Variants in CSF3R observed in about 807,000 individuals in gnomAD.
CSF3R encodes colony stimulating factor 3 receptor.
A neutral mutation model predicts 84.4 loss-of-function variants in CSF3R; 52 were observed. That is an observed-to-expected ratio of 0.62 (90% confidence interval 0.49 to 0.78). The LOEUF (loss-of-function observed/expected upper bound fraction) is 0.78, where lower values mean the gene tolerates loss of function less well. Among genes scored for constraint, CSF3R ranks in the 30% least tolerant of loss-of-function variants. The pLI is 0.00. For synonymous variants in CSF3R, 384 were observed against 429.1 expected, an observed-to-expected ratio of 0.89 and a Z score of 1.30; for missense variants, 890 against 1,055.7, an observed-to-expected ratio of 0.84 and a Z score of 2.17.
At position 36,472,777 on chromosome 1, in the gene CSF3R, C is replaced by T; in HGVS notation, c.674-91G>A. On this transcript the variant is annotated intron_variant, in intron 6 of 16. Coordinates refer to ENST00000373106, the MANE Select transcript of CSF3R (RefSeq NM_000760.4). This position sits in a 1 kb window ranked among gnomAD's most constrained non-coding sequence, Gnocchi z 5.0. ...TCTTGTCTCCCTGTCTGTGGTTCACCATCTGTCCACGTTGCCAATGACACG... is the reference window on the plus strand; with the variant it reads ...TCTTGTCTCCCTGTCTGTGGTTCACTATCTGTCCACGTTGCCAATGACACG... The T allele has an allele frequency of 1.4e-6, 2 of 1,398,172 alleles. No individual in the cohort carries two copies. Among genetic ancestry groups the T allele is most frequent in the South Asian group, 3.0e-5 (2 of 67,220 alleles). 86.6% of individuals were successfully genotyped at this position (1,398,172 alleles called of 1,614,324 possible).
chr1:36,475,274 TG>T, intron 4 of CSF3R, 102 bp downstream of exon 4: 2 of 1,439,848 alleles, frequency 1.4e-6, no homozygotes, highest in Non-Finnish European at 2.0e-6. Context: ...CCCAAAGTGC[TG>T]GGAATACAGG....
In CSF3R at chr1:36,475,592, T is replaced by C. The variant is rs766274573; in HGVS notation, c.146A>G (p.Lys49Arg). ...CGGGTCCAGATGGCTGCAGTTCTGCTTGATGATGCAGGAGGCTGTGATGGG... is the reference window on the plus strand; with the variant it reads ...CGGGTCCAGATGGCTGCAGTTCTGCCTGATGATGCAGGAGGCTGTGATGGG... ...GDPITASCII[K>R]QNCSHLDPEP... The change falls in exon 4 of 17, where the codon AAG (lysine) becomes AGG (arginine). Residue 49 changes from lysine (K) to arginine (R), a missense_variant. Physicochemically the swap from Lys to Arg is conservative, Grantham distance 26 (BLOSUM62 2). Coordinates refer to ENST00000373106, the MANE Select transcript of CSF3R (RefSeq NM_000760.4). The C allele has an allele frequency of 1.5e-5, 24 of 1,611,788 alleles. No individual in the cohort carries two copies. The South Asian group carries it at 2.4e-4, about 16-fold the overall frequency.
intron 4 of CSF3R, among the ~76,000 whole-genome samples, chr1:36,474,797 G>A (rs1386621195): frequency 6.6e-6 from 1 of 152,110 alleles, no homozygotes; most frequent in Non-Finnish European, 1.5e-5. Flanking sequence ...GCTATGTAGA[G>A]TAGTGGTCAC....
Position 36,466,780 on chromosome 1 carries a change from G to A in CSF3R, c.2088C>T (p.Leu696=), listed in dbSNP as rs1305493202. 1.2e-6 allele frequency: 2 copies of A among 1,614,200 alleles called. No individual in the cohort carries two copies. The highest frequency in any genetic ancestry group is 1.7e-6 in the Non-Finnish European group (2 of 1,180,024). ...TCTTTTCATCCTCCTCCAGCACTGTGAGCTTGGTGATGGGTGGCGTGCCAA... is the reference window on the plus strand; with the variant it reads ...TCTTTTCATCCTCCTCCAGCACTGTAAGCTTGGTGATGGGTGGCGTGCCAA... ...PGLGTPPITK[L]TVLEEDEKKP... is the part of the protein sequence containing the mutation. The change falls in exon 17 of 17, where the codon CTC becomes CTT. Residue 696 remains leucine, a synonymous_variant. Transcript: ENST00000373106. This position sits in a 1 kb window ranked among gnomAD's most constrained non-coding sequence, Gnocchi z 4.6.
chr1:36,478,197 A>G (rs1371686315), intron 3 of CSF3R, among the ~76,000 whole-genome samples: 6 of 152,166 alleles, frequency 3.9e-5, no homozygotes, highest in African/African-American at 1.2e-4. Flanking sequence ...CTTACATTTT[A>G]AAAGAGTTAA....
At chr1:36,473,918 T>C (rs776646759) in intron 4 of CSF3R, 31 bp from the exon 5 acceptor site, 1 of 1,613,418 alleles carries the variant, frequency 6.2e-7, no homozygotes, top group Non-Finnish European at 8.5e-7. Flanking sequence ...TGTGAGGGCT[T>C]TGGGTGGGAC....
rs752635131 is a variant in CSF3R at position 36,467,231 on chromosome 1, T to G, written c.2039A>C (p.Glu680Ala). 1 of 1,614,054 alleles carries G rather than the reference T, an allele frequency of 6.2e-7. No individual in the cohort carries two copies. The highest frequency in any genetic ancestry group is 1.1e-5 in the South Asian group (1 of 91,092). ...LGSWVPTIME[E>A]DAFQLPGLGT... is the part of the protein sequence containing the mutation. ...TCCCTCTCCCTCCTGGATTCTCACC[T>G]CCTCCATGATTGTGGGCACCCAGGA... Residue 680 changes from glutamate to alanine, a missense_variant and splice_region_variant, in exon 16 of 17, where the codon GAG (glutamate) becomes GCG (alanine). By Grantham distance (107) the Glu-to-Ala change is moderately radical. Coordinates refer to ENST00000373106, the MANE Select transcript of CSF3R (RefSeq NM_000760.4). The surrounding 1 kb of genome is among the most constrained non-coding windows in gnomAD (Gnocchi z 4.1).
At chr1:36,474,442 G>A (rs922232896) in intron 4 of CSF3R, among the ~76,000 whole-genome samples, 15 of 138,192 alleles carry the variant, frequency 1.1e-4, no homozygotes, top group African/African-American at 3.9e-4. Context: ...CTGTGGCCCA[G>A]GCTGGAGTGC....
At chr1:36,473,721 CA>C (rs1557595373) in intron 5 of CSF3R, 42 bp downstream of exon 5, 3 of 1,614,096 alleles carry the variant, frequency 1.9e-6, no homozygotes, top group Non-Finnish European at 8.5e-7. Context: ...TGCCCTACCC[CA>C]GAATCCAAAG....
At chr1:36,479,655 A>G in intron 2 of CSF3R, 139 bp from the exon 3 acceptor site, 1 of 717,036 alleles carries the variant, frequency 1.4e-6, no homozygotes, top group Non-Finnish European at 2.5e-6. Context: ...AAGTAACAGC[A>G]GCCTATACTG....
In CSF3R at chr1:36,466,738, C is replaced by G. The variant is rs370491074; in HGVS notation, c.2130G>C (p.Glu710Asp). The G allele has an allele frequency of 1.7e-5, 28 of 1,614,238 alleles. No homozygotes were observed. Among genetic ancestry groups the G allele is most frequent in the African/African-American group, 1.6e-4 (12 of 75,072 alleles). The change falls in exon 17 of 17, where the codon GAG (glutamate) becomes GAC (aspartate). Residue 710 changes from glutamate (E) to aspartate (D), a missense_variant. Coordinates refer to ENST00000373106, the MANE Select transcript of CSF3R (RefSeq NM_000760.4). The surrounding 1 kb of genome is among the most constrained non-coding windows in gnomAD (Gnocchi z 4.6). Reference protein sequence around the residue: ...EEDEKKPVPWESHNSSETCGL... With the variant: ...EEDEKKPVPWDSHNSSETCGL... ...CACAGGTCTCTGAGCTGTTATGGGACTCCCAGGGCACCGGCTTCTTTTCAT... is the reference window on the plus strand; with the variant it reads ...CACAGGTCTCTGAGCTGTTATGGGAGTCCCAGGGCACCGGCTTCTTTTCAT...
intron 3 of CSF3R, chr1:36,478,861 A>G (rs3918010): frequency 0.16 from 29,297 of 183,842 alleles, 2,574 homozygotes; most frequent in East Asian, 0.24. Context: ...ACAAACGAAC[A>G]AACAAACAAA....
intron 6 of CSF3R, chr1:36,473,096 A>C (rs1389219059): frequency 1.3e-5 from 5 of 388,820 alleles, no homozygotes; most frequent in African/African-American, 2.1e-5. Context: ...ATTCTATCTT[A>C]TTTTCCCCCC....
chr1:36,475,076 C>T (rs1006479859), intron 4 of CSF3R, among the ~76,000 whole-genome samples: 1 of 151,678 alleles, frequency 6.6e-6, no homozygotes, highest in African/African-American at 2.4e-5. Context: ...GTGATCTCAG[C>T]TCATTGCAAC....
At position 36,467,188 on chromosome 1, in the gene CSF3R, C is replaced by G; in HGVS notation, c.2040+42G>C. The G allele has an allele frequency of 6.3e-7, 1 of 1,597,932 alleles. No individual in the cohort carries two copies. The highest frequency in any genetic ancestry group is 1.1e-5 in the South Asian group (1 of 90,746). Reference sequence around the variant, plus strand: ...AGGTGTCCCTTCACTGAGCCTGGGCCGACATCCCCATCTCATTTCCCTCTC... The same window carrying G: ...AGGTGTCCCTTCACTGAGCCTGGGCGGACATCCCCATCTCATTTCCCTCTC... On this transcript the variant is annotated intron_variant, in intron 16 of 16. Coordinates refer to ENST00000373106, the MANE Select transcript of CSF3R (RefSeq NM_000760.4). This position sits in a 1 kb window ranked among gnomAD's most constrained non-coding sequence, Gnocchi z 4.1.
intron 11 of CSF3R, 113 bp downstream of exon 11, chr1:36,469,539 A>G (rs1053157003): frequency 3.1e-6 from 4 of 1,272,532 alleles, no homozygotes; most frequent in South Asian, 1.2e-5. Flanking sequence ...AGGATCAAGA[A>G]AGGCTGGAGA....
At chr1:36,470,781 T>C (rs975443798) in intron 10 of CSF3R, among the ~76,000 whole-genome samples, 9 of 152,172 alleles carry the variant, frequency 5.9e-5, no homozygotes, top group Non-Finnish European at 1.0e-4. Flanking sequence ...GCTTTCTCTC[T>C]TGGCTTTCTT....
rs759549054 is a variant in CSF3R at position 36,466,535 on chromosome 1, G to A, written c.2333C>T (p.Ala778Val). 15 of 1,608,764 alleles carry A rather than the reference G, an allele frequency of 9.3e-6. No homozygotes were observed. The highest frequency in any genetic ancestry group is 6.7e-5 in the Admixed American group (4 of 59,442). ...LRCDSTQPLL[A>V]GLTPSPKSYE... ...GGACTTGGGGCTGGGGGTGAGGCCC[G>A]CCAAGAGGGGCTGAGTGGAGTCACA... Residue 778 changes from alanine (A) to valine (V), a missense_variant, in exon 17 of 17, where the codon GCG (alanine) becomes GTG (valine). Ala to Val is a moderately conservative substitution (Grantham distance 64). Coordinates refer to ENST00000373106, the MANE Select transcript of CSF3R (RefSeq NM_000760.4). The surrounding 1 kb of genome is among the most constrained non-coding windows in gnomAD (Gnocchi z 4.6).
At chr1:36,479,039 T>C in intron 3 of CSF3R, 1 of 344,474 alleles carries the variant, frequency 2.9e-6, no homozygotes, top group Non-Finnish European at 5.7e-6. Context: ...AGAGTTTCCA[T>C]GGTTGGAAAC....
Sources: allele counts gnomAD v4.1 joint callset (sites outside exome capture counted in the v4.1 genomes callset), GRCh38; gene constraint gnomAD v4.1.1; non-coding constraint Gnocchi (gnomAD v3.1); transcripts MANE v1.5; gene names NCBI Gene and HGNC (gene_info 2026-07-23, HGNC 2026-07-21).